SH2D3A: variants seen among roughly 807,000 people sequenced by gnomAD.
SH2D3A encodes the protein SH2 domain-containing protein 3A.
SH2D3A carries 46 observed loss-of-function variants against 50.6 expected under a neutral mutation model. That is an observed-to-expected ratio of 0.91 (90% CI 0.72 to 1.16). SH2D3A has a LOEUF of 1.16. Among genes scored for constraint, SH2D3A ranks in the 50% most tolerant of loss-of-function variants. The probability of loss-of-function intolerance (pLI) is 0.00; values close to 1 mark genes in which losing one functional copy is unlikely to be tolerated. For missense variants in SH2D3A, 783 were observed against 786.2 expected, an observed-to-expected ratio of 1.00 and a Z score of 0.05; for synonymous variants, 377 against 348.4, an observed-to-expected ratio of 1.08 and a Z score of -0.91.
In SH2D3A at chr19:6,755,035, C is replaced by T. The variant is rs1317178699; in HGVS notation, c.777G>A (p.Glu259=). 6.2e-7 allele frequency: 1 copy of T among 1,614,088 alleles called. No homozygotes were observed. Among genetic ancestry groups the T allele is most frequent in the Non-Finnish European group, 8.5e-7 (1 of 1,180,034 alleles). ...SCPEPEAPWW[E]AEEDEEEENR... ...TCTCTTCCTCCTCATCCTCCTCGGC[C>T]TCCCACCATGGGGCCTCTGGCTCTG... is the stretch of plus-strand genomic sequence containing the variant. Residue 259 remains glutamate (E), a synonymous_variant, in exon 5 of 10, where the codon GAG becomes GAA. Transcript: ENST00000245908.
At position 6,752,915 on chromosome 19, in the gene SH2D3A, G is replaced by C. The variant is rs532187686; in HGVS notation, c.1571-162C>G. The C allele has an allele frequency of 9.1e-5, 90 of 985,264 alleles. No homozygotes were observed. In the African/African-American group the frequency reaches 1.3e-3, roughly 14 times the overall value. The allele number at this position is 985,264 out of a possible 1,614,324, so 61.0% of individuals were successfully genotyped here. A position where few individuals can be genotyped will look rare whatever the true frequency, so the allele number is the denominator to read the frequency against. On this transcript the variant is annotated intron_variant, in intron 9 of 9. Transcript: ENST00000245908. ...GACTAGGCGGGGTCAGAGGGGAGGG[G>C]GCTTCCAGCTCTCTGCAGGAATGGG...
At position 6,754,711 on chromosome 19, in the gene SH2D3A, C is replaced by G; in HGVS notation, c.1002G>C (p.Val334=). The change falls in exon 6 of 10, where the codon GTG becomes GTC. Residue 334 remains valine, a synonymous_variant. Coordinates refer to ENST00000245908, the MANE Select transcript of SH2D3A (RefSeq NM_005490.3). Reference sequence around the variant, plus strand: ...CCATGTTGCCCCGCTGATCTCTGGTCACTCCCAGGAGGCCTGTGGCCTGCA... The same window carrying G: ...CCATGTTGCCCCGCTGATCTCTGGTGACTCCCAGGAGGCCTGTGGCCTGCA... The part of the protein sequence containing the change: ...VDCQATGLLG[V]TRDQRGNMGV... The G allele has an allele frequency of 6.2e-7, 1 of 1,614,192 alleles. No individual in the cohort carries two copies. Among genetic ancestry groups the G allele is most frequent in the Admixed American group, 1.7e-5 (1 of 60,024 alleles).
In SH2D3A at chr19:6,754,606, G is replaced by C; in HGVS notation, c.1097+10C>G. On this transcript the variant is annotated intron_variant, in intron 6 of 9. Coordinates refer to ENST00000245908, the MANE Select transcript of SH2D3A (RefSeq NM_005490.3). ...CCTCCCCCAACCAAGATTACAAGCT[G>C]CTGGCTCACCTCTCCAGCAGTTCCA... The C allele has an allele frequency of 6.2e-7, 1 of 1,614,106 alleles. No individual in the cohort carries two copies. The highest frequency in any genetic ancestry group is 8.5e-7 in the Non-Finnish European group (1 of 1,179,954).
intron 4 of SH2D3A, among the ~76,000 whole-genome samples, chr19:6,757,089 T>C (rs1260789242): frequency 6.6e-6 from 1 of 151,808 alleles, no homozygotes; most frequent in Non-Finnish European, 1.5e-5. Context: ...ATGGTCTTGA[T>C]CTCTTGACCT....
intron 6 of SH2D3A, 87 bp downstream of exon 6, chr19:6,754,529 G>A (rs1256183905): frequency 1.3e-6 from 2 of 1,589,010 alleles, no homozygotes; most frequent in Non-Finnish European, 1.7e-6. Context: ...TCTTCCCTGG[G>A]GAACCATGAG....
intron 2 of SH2D3A, 47 bp from the exon 3 acceptor site, chr19:6,761,034 G>T: frequency 4.1e-6 from 6 of 1,459,472 alleles, no homozygotes; most frequent in Non-Finnish European, 5.6e-6. Context: ...TGAGTCCAGG[G>T]CAGTGGTTAA....
chr19:6,762,895 A>C (rs1411408968), intron 2 of SH2D3A, among the ~76,000 whole-genome samples: 1 of 151,714 alleles, frequency 6.6e-6, no homozygotes, highest in African/African-American at 2.4e-5. Context: ...CATACAATAT[A>C]AATTGTAGGG....
Position 6,754,260 on chromosome 19 carries a change from G to T in SH2D3A, c.1263C>A (p.Leu421=), listed in dbSNP as rs1053023427. The change falls in exon 7 of 10, where the codon CTC becomes CTA. Residue 421 remains leucine (L), a synonymous_variant. Coordinates refer to ENST00000245908, the MANE Select transcript of SH2D3A (RefSeq NM_005490.3). ...CCTGCTCCCCACGAACCTGGGGCATGAGCAGGGCGCCCATGACTGCAGCCA... is the reference window on the plus strand; with the variant it reads ...CCTGCTCCCCACGAACCTGGGGCATTAGCAGGGCGCCCATGACTGCAGCCA... ...PGLAAVMGAL[L]MPQVSRLEHT... is the part of the protein sequence containing the mutation. 1.3e-6 allele frequency: 2 copies of T among 1,597,268 alleles called. No individual in the cohort carries two copies. The highest frequency in any genetic ancestry group is 2.2e-5 in the East Asian group (1 of 44,606).
At chr19:6,763,064 GTTTA>G (rs937056729) in intron 2 of SH2D3A, among the ~76,000 whole-genome samples, 6 of 151,928 alleles carry the variant, frequency 3.9e-5, no homozygotes, top group African/African-American at 1.2e-4. Context: ...TTATTTGTTT[GTTTA>G]TTTATTTATG....
intron 9 of SH2D3A, 144 bp from the exon 10 acceptor site, chr19:6,752,897 C>G: frequency 2.2e-6 from 3 of 1,381,642 alleles, no homozygotes; most frequent in South Asian, 1.7e-5. Context: ...GATGACTAGG[C>G]GGGGTCAGAG....
At chr19:6,761,057 C>T in intron 2 of SH2D3A, 70 bp from the exon 3 acceptor site, 1 of 1,206,890 alleles carries the variant, frequency 8.3e-7, no homozygotes. Context: ...GTAGCTCCCC[C>T]CACCATTGCC....
chr19:6,756,201 T>G (rs1363251654), intron 4 of SH2D3A, among the ~76,000 whole-genome samples: 1 of 148,440 alleles, frequency 6.7e-6, no homozygotes, highest in Non-Finnish European at 1.5e-5. Flanking sequence ...TAAATAAAAT[T>G]AACATTATTA....
At position 6,754,040 on chromosome 19, in the gene SH2D3A, A is replaced by C; in HGVS notation, c.1384+12T>G. 6.3e-7 allele frequency: 1 copy of C among 1,589,686 alleles called. No individual in the cohort carries two copies. The highest frequency in any genetic ancestry group is 8.6e-7 in the Non-Finnish European group (1 of 1,166,938). ...GCCCCCAGGGGATGCTAAGCCCCAGACCTTCACTTACCAGCGCCCTCATCC... is the reference window on the plus strand; with the variant it reads ...GCCCCCAGGGGATGCTAAGCCCCAGCCCTTCACTTACCAGCGCCCTCATCC... On this transcript the variant is annotated intron_variant, in intron 8 of 9. Transcript: ENST00000245908.
intron 1 of SH2D3A, among the ~76,000 whole-genome samples, chr19:6,765,476 G>A (rs1324600519): frequency 6.6e-6 from 1 of 152,012 alleles, no homozygotes; most frequent in Non-Finnish European, 1.5e-5. Context: ...GGCCAGGCGC[G>A]GTGGCTCACT....
At chr19:6,765,889 T>C (rs569229663) in intron 1 of SH2D3A, among the ~76,000 whole-genome samples, 30 of 152,268 alleles carry the variant, frequency 2.0e-4, no homozygotes, top group African/African-American at 5.5e-4. Context: ...ATCATGATGA[T>C]TGAATTTGGA....
intron 9 of SH2D3A, 132 bp downstream of exon 9, chr19:6,753,324 G>A: frequency 7.2e-7 from 1 of 1,397,326 alleles, no homozygotes; most frequent in Non-Finnish European, 9.3e-7. Flanking sequence ...GAGTGGAGCC[G>A]TCCCAGTTTG....
intron 4 of SH2D3A, chr19:6,757,229 C>G (rs1313221102): frequency 1.3e-5 from 2 of 151,080 alleles, no homozygotes; most frequent in Admixed American, 6.6e-5. Flanking sequence ...TAGGCTCAAC[C>G]TGCACATTCT....
chr19:6,753,648 AG>A lies in SH2D3A; in HGVS notation c.1385-8del. The A allele has an allele frequency of 6.4e-7, 1 of 1,557,904 alleles. No homozygotes were observed. The highest frequency in any genetic ancestry group is 8.7e-7 in the Non-Finnish European group (1 of 1,153,454). ...TCGCCGGGGTCGCAGGGTCCTGCGGAGGGGGAGGGTCTGATCAGGGTTTGGG... is the reference window on the plus strand; with the variant it reads ...TCGCCGGGGTCGCAGGGTCCTGCGGAGGGGAGGGTCTGATCAGGGTTTGGG... On this transcript the variant is annotated splice_polypyrimidine_tract_variant and splice_region_variant and intron_variant, in intron 8 of 9. Transcript: ENST00000245908.
rs775621501 is a variant in SH2D3A at position 6,753,565 on chromosome 19, C to T, written c.1461G>A (p.Ala487=). ...MVRLLEGEEV[A]GPLDESCERL... is the part of the protein sequence containing the mutation. The stretch of plus-strand genomic sequence containing the variant: ...GCTCACAGCTCTCGTCCAGCGGCCC[C>T]GCGACTTCCTCGCCCTCCAGTAGGC... The change falls in exon 9 of 10, where the codon GCG becomes GCA. Residue 487 remains alanine (A), a synonymous_variant. Transcript: ENST00000245908. 2.5e-6 allele frequency: 4 copies of T among 1,579,088 alleles called. No individual in the cohort carries two copies. Among genetic ancestry groups the T allele is most frequent in the Non-Finnish European group, 3.4e-6 (4 of 1,163,556 alleles).
Sources: gnomAD v4.1 joint callset for allele counts (sites outside exome capture counted in the v4.1 genomes callset) on GRCh38, gnomAD v4.1.1 for gene constraint, MANE v1.5 for transcripts, NCBI Gene and HGNC (gene_info 2026-07-23, HGNC 2026-07-21) for gene names.